The following NBAS variants were observed in gnomAD, a reference collection of about 807,000 sequenced individuals.
The protein encoded by NBAS is NAG/BC035112 fusion.
A neutral mutation model predicts 302.5 loss-of-function variants in NBAS; 219 were observed. The ratio of observed to expected loss-of-function variants is 0.72; its 90% CI spans 0.65 to 0.81. The LOEUF (loss-of-function observed/expected upper bound fraction) is 0.81, where lower values mean the gene tolerates loss of function less well. Ranked by LOEUF, NBAS falls within the 30% of genes least tolerant of loss-of-function variation. NBAS has a pLI of 0.00. For synonymous variants in NBAS, 1,118 were observed against 1,021.6 expected (o/e 1.09, Z -1.80); for missense variants, 2,932 against 2,841.6 (o/e 1.03, Z -0.72).
At chr2:15,509,196 T>C (rs917118829) in intron 10 of NBAS, among the ~76,000 whole-genome samples, 1 of 152,194 alleles carries the variant, frequency 6.6e-6, no homozygotes, top group African/African-American at 2.4e-5. Flanking sequence ...TTAGTGCCAC[T>C]GATATGGACA....
At chr2:14,933,888 G>T in the NBAS span, among the ~76,000 whole-genome samples, 1 of 152,070 alleles carries the variant, frequency 6.6e-6, no homozygotes, top group Non-Finnish European at 1.5e-5. Context: ...AAGGCTCATT[G>T]GTGTAATATG....
chr2:14,984,000 C>T, the NBAS span, among the ~76,000 whole-genome samples: 3 of 152,100 alleles, frequency 2.0e-5, no homozygotes, highest in African/African-American at 4.8e-5. Flanking sequence ...GGCGTGCCAA[C>T]CCTGGTTCTT....
chr2:14,952,189 A>T, the NBAS span, among the ~76,000 whole-genome samples: 1 of 152,176 alleles, frequency 6.6e-6, no homozygotes, highest in African/African-American at 2.4e-5. Flanking sequence ...GCAGCACCTT[A>T]GCAGAGCCAC....
intron 48 of NBAS, among the ~76,000 whole-genome samples, chr2:15,196,652 C>T (rs759543747): frequency 1.3e-5 from 2 of 151,974 alleles, no homozygotes; most frequent in Non-Finnish European, 2.9e-5. Flanking sequence ...GGGAAAAATC[C>T]CTATACATGA....
intron 51 of NBAS, among the ~76,000 whole-genome samples, chr2:15,173,830 T>G (rs1194052692): frequency 1.3e-5 from 2 of 152,266 alleles, no homozygotes; most frequent in Non-Finnish European, 2.9e-5. Flanking sequence ...ACCTCCTTGC[T>G]ACCTTCGTTA....
chr2:15,325,044 C>T (rs766855899), intron 38 of NBAS, among the ~76,000 whole-genome samples: 2 of 152,202 alleles, frequency 1.3e-5, no homozygotes, highest in Non-Finnish European at 2.9e-5. Flanking sequence ...CCTTAATACA[C>T]TGAGAAATCA....
chr2:14,821,365 C>G, the NBAS span, among the ~76,000 whole-genome samples: 1 of 152,170 alleles, frequency 6.6e-6, no homozygotes, highest in African/African-American at 2.4e-5. Context: ...TTTCCAGAGT[C>G]TGTTATGTGA....
At chr2:14,967,532 G>A in the NBAS span, among the ~76,000 whole-genome samples, 20 of 152,144 alleles carry the variant, frequency 1.3e-4, no homozygotes, top group Non-Finnish European at 2.5e-4. Context: ...GAGCACCTCA[G>A]TAAAAACTAT....
chr2:15,316,251 C>G (rs1003057827), intron 38 of NBAS, among the ~76,000 whole-genome samples: 9 of 152,208 alleles, frequency 5.9e-5, no homozygotes, highest in Admixed American at 2.6e-4. Flanking sequence ...ACTCTCCCCC[C>G]GTTCCAAGAC....
chr2:15,255,215 T>G (rs541726243), intron 44 of NBAS, among the ~76,000 whole-genome samples: 1 of 152,282 alleles, frequency 6.6e-6, no homozygotes, highest in African/African-American at 2.4e-5. Flanking sequence ...TCATCATATC[T>G]ATAACAACAT....
chr2:15,276,674 A>T (rs1415981517), intron 43 of NBAS, among the ~76,000 whole-genome samples, 177 bp downstream of exon 43: 1 of 152,210 alleles, frequency 6.6e-6, no homozygotes, highest in Non-Finnish European at 1.5e-5. Context: ...TCTGGTATTT[A>T]ATTCCCTCAA....
intron 21 of NBAS, among the ~76,000 whole-genome samples, chr2:15,449,524 G>T (rs1037300684): frequency 2.6e-5 from 4 of 151,928 alleles, no homozygotes; most frequent in African/African-American, 7.3e-5. Flanking sequence ...TACTTCCAAG[G>T]CCCAAAAAAA....
Position 15,402,300 on chromosome 2 carries a change from A to T in NBAS, c.2939T>A (p.Leu980Gln). ...CTGATCAGGAATAATTTTTTGCTGC[A>T]GCTACAGAAAATAAAGTATGTTGTA... Reference protein sequence around the residue: ...LKIFQHSKPDLQQKIIPDQDQ... With the variant: ...LKIFQHSKPDQQQKIIPDQDQ... The change falls in exon 26 of 52, where the codon CTG becomes CAG. Residue 980 changes from leucine (L) to glutamine (Q), a missense_variant and splice_region_variant. Transcript: ENST00000281513. The T allele has an allele frequency of 6.2e-7, 1 of 1,613,422 alleles. No individual in the cohort carries two copies. The highest frequency in any genetic ancestry group is 1.1e-5 in the South Asian group (1 of 91,060).
chr2:15,378,538 A>T (rs1674869364), intron 30 of NBAS, among the ~76,000 whole-genome samples: 1 of 152,196 alleles, frequency 6.6e-6, no homozygotes, highest in African/African-American at 2.4e-5. Flanking sequence ...CATTTAATAC[A>T]CCTAACCTAA....
chr2:15,137,573 C>T, the NBAS span, among the ~76,000 whole-genome samples: 1 of 152,284 alleles, frequency 6.6e-6, no homozygotes, highest in African/African-American at 2.4e-5. Context: ...TCCAAGAAAA[C>T]ATCTGCATTC....
chr2:14,991,276 T>A, the NBAS span, among the ~76,000 whole-genome samples: 73 of 150,020 alleles, frequency 4.9e-4, no homozygotes, highest in African/African-American at 1.6e-3. Context: ...AATTATAATT[T>A]AAAAAAAAAA....
chr2:14,920,182 T>C, the NBAS span, among the ~76,000 whole-genome samples: 229 of 152,348 alleles, frequency 1.5e-3, no homozygotes, highest in African/African-American at 4.7e-3. Context: ...ATTAATCTTA[T>C]GTACATCTCT....
At chr2:14,831,642 T>G in the NBAS span, among the ~76,000 whole-genome samples, 1 of 152,186 alleles carries the variant, frequency 6.6e-6, no homozygotes, top group Non-Finnish European at 1.5e-5. Context: ...AGGAAGCTAG[T>G]GCAGCCTAGT....
At chr2:15,259,965 A>G (rs1668775364) in intron 44 of NBAS, among the ~76,000 whole-genome samples, 1 of 151,852 alleles carries the variant, frequency 6.6e-6, no homozygotes, top group Non-Finnish European at 1.5e-5. Flanking sequence ...TCTCTTTGAC[A>G]AAAGACACAG....
Sources: allele counts gnomAD v4.1 joint callset (sites outside exome capture counted in the v4.1 genomes callset), GRCh38; gene constraint gnomAD v4.1.1; transcripts MANE v1.5; gene names NCBI Gene and HGNC (gene_info 2026-07-23, HGNC 2026-07-21).